Variants in SDK1 observed in about 807,000 individuals in gnomAD.
SDK1 encodes the protein protein sidekick-1.
In SDK1, 157 loss-of-function variants were observed where a neutral mutation model predicts 245.5. That is an observed-to-expected ratio of 0.64 (90% CI 0.56 to 0.73). The LOEUF is 0.73. Ranked by LOEUF, SDK1 falls within the 30% of genes least tolerant of loss-of-function variation. The pLI is 0.00. For synonymous variants in SDK1, 1,647 were observed against 1,278.5 expected, an observed-to-expected ratio of 1.29 and a Z score of -6.15; for missense variants, 3,583 against 3,002.3, an observed-to-expected ratio of 1.19 and a Z score of -4.52.
At chr7:3,418,022 A>G (rs1033962915) in intron 1 of SDK1, among the ~76,000 whole-genome samples, 2 of 151,970 alleles carry the variant, frequency 1.3e-5, no homozygotes, top group African/African-American at 4.8e-5. Flanking sequence ...AGTTTTACTA[A>G]CTCAGTAGAC....
intron 35 of SDK1, among the ~76,000 whole-genome samples, chr7:4,205,201 C>T (rs938578809): frequency 1.3e-5 from 2 of 152,178 alleles, no homozygotes; most frequent in Non-Finnish European, 1.5e-5. Flanking sequence ...TCTCAAACAT[C>T]GGAGCTTCCT....
chr7:3,817,604 C>G (rs775296659), intron 4 of SDK1, among the ~76,000 whole-genome samples: 1 of 152,172 alleles, frequency 6.6e-6, no homozygotes, highest in African/African-American at 2.4e-5. Context: ...GGCAGCTGAT[C>G]TGGTGTGGTC....
chr7:3,910,727 C>T (rs1170160592), intron 5 of SDK1, among the ~76,000 whole-genome samples: 1 of 152,192 alleles, frequency 6.6e-6, no homozygotes, highest in East Asian at 1.9e-4. Context: ...TTCTGGAATT[C>T]AGGTCACTTG....
intron 4 of SDK1, among the ~76,000 whole-genome samples, chr7:3,692,635 T>G (rs1348028548): frequency 2.0e-5 from 3 of 152,166 alleles, no homozygotes; most frequent in African/African-American, 7.2e-5. Context: ...CATGTTTTAT[T>G]TAGTCTACTA....
intron 1 of SDK1, among the ~76,000 whole-genome samples, chr7:3,364,985 G>C (rs550107810): frequency 6.6e-6 from 1 of 152,090 alleles, no homozygotes. Flanking sequence ...TACATGTTTC[G>C]GTAGCTTTAC....
At chr7:3,587,772 C>A (rs957646754) in intron 1 of SDK1, among the ~76,000 whole-genome samples, 1 of 152,214 alleles carries the variant, frequency 6.6e-6, no homozygotes, top group African/African-American at 2.4e-5. Context: ...GTACACTGCC[C>A]CTTGGCCTTT....
rs1249111606 is a variant in SDK1 at position 4,026,566 on chromosome 7, G to C, written c.2602+9214G>C. Among the ~76,000 whole-genome samples, 2 of 152,020 alleles carry C rather than the reference G, an allele frequency of 1.3e-5. No individual in the cohort carries two copies. Among genetic ancestry groups the C allele is most frequent in the Non-Finnish European group, 2.9e-5 (2 of 68,020 alleles). ...CCCCAAATGCTTCTCTTCAATGCCTGGCAAGTAAAGATTTGGAAAAAAAAA... is the reference window on the plus strand; with the variant it reads ...CCCCAAATGCTTCTCTTCAATGCCTCGCAAGTAAAGATTTGGAAAAAAAAA... On this transcript the variant is annotated intron_variant, in intron 17 of 44. Coordinates refer to ENST00000404826, the MANE Select transcript of SDK1 (RefSeq NM_152744.4). The surrounding 1 kb of genome is among the most constrained non-coding windows in gnomAD (Gnocchi z 4.1).
At chr7:3,598,777 C>T (rs543775861) in intron 1 of SDK1, among the ~76,000 whole-genome samples, 6 of 152,198 alleles carry the variant, frequency 3.9e-5, no homozygotes, top group Admixed American at 2.0e-4. Context: ...ATGGAGGTTA[C>T]TGCAGGTATC....
chr7:3,600,662 C>T (rs1314022721), intron 1 of SDK1, among the ~76,000 whole-genome samples: 3 of 149,836 alleles, frequency 2.0e-5, no homozygotes, highest in Non-Finnish European at 4.4e-5. Flanking sequence ...CATTCTCCTA[C>T]CTCAGCCTCC....
intron 4 of SDK1, among the ~76,000 whole-genome samples, chr7:3,810,968 C>A (rs1020062045): frequency 6.6e-6 from 1 of 152,056 alleles, no homozygotes; most frequent in Non-Finnish European, 1.5e-5. Flanking sequence ...ATTCAGTGAC[C>A]GAGCTGTGTT....
intron 22 of SDK1, among the ~76,000 whole-genome samples, chr7:4,087,814 T>C (rs1416598898): frequency 1.2e-4 from 18 of 152,240 alleles, no homozygotes; most frequent in Non-Finnish European, 1.6e-4. Context: ...TTAACTTCTT[T>C]GTGAGCCTGA....
chr7:3,563,705 C>G (rs1779819376), intron 1 of SDK1, among the ~76,000 whole-genome samples: 2 of 152,070 alleles, frequency 1.3e-5, no homozygotes, highest in African/African-American at 4.8e-5. Flanking sequence ...TAAGCATGAG[C>G]TGTTAGGAAT....
At chr7:3,302,063 G>A (rs1470644252) in intron 1 of SDK1, among the ~76,000 whole-genome samples, 179 bp downstream of exon 1, 1 of 152,024 alleles carries the variant, frequency 6.6e-6, no homozygotes, top group East Asian at 1.9e-4. Context: ...AGAGGGAAAC[G>A]GAGCCCCGTA....
At chr7:4,067,737 G>C in intron 19 of SDK1, 101 bp from the exon 20 acceptor site, 1 of 806,040 alleles carries the variant, frequency 1.2e-6, no homozygotes, top group Non-Finnish European at 2.0e-6. Flanking sequence ...TGCAGCCCCA[G>C]CTCACCACTT....
intron 4 of SDK1, among the ~76,000 whole-genome samples, chr7:3,707,993 A>G (rs982041742): frequency 2.6e-5 from 4 of 152,110 alleles, no homozygotes; most frequent in African/African-American, 9.7e-5. Context: ...AGACTGAGTA[A>G]TTTATTTTTT....
At chr7:3,408,184 T>C (rs932314821) in intron 1 of SDK1, among the ~76,000 whole-genome samples, 5 of 152,002 alleles carry the variant, frequency 3.3e-5, no homozygotes, top group East Asian at 1.9e-4. Context: ...ACTACAGATA[T>C]GTGCCACCAT....
intron 1 of SDK1, among the ~76,000 whole-genome samples, chr7:3,530,474 A>G (rs1783304714): frequency 6.6e-6 from 1 of 152,230 alleles, no homozygotes; most frequent in African/African-American, 2.4e-5. Flanking sequence ...AACCTACAGA[A>G]AACATCTACT....
At chr7:3,553,819 G>A (rs1779492871) in intron 1 of SDK1, among the ~76,000 whole-genome samples, 1 of 152,102 alleles carries the variant, frequency 6.6e-6, no homozygotes, top group Non-Finnish European at 1.5e-5. Context: ...CATTCTGTGG[G>A]CCTGAACACC....
chr7:3,955,399 A>G (rs184506738), intron 7 of SDK1, among the ~76,000 whole-genome samples: 1 of 152,258 alleles, frequency 6.6e-6, no homozygotes, highest in Non-Finnish European at 1.5e-5. Context: ...AGGGGCTCAC[A>G]TGATTAAATT....
Sources: gnomAD v4.1 joint callset for allele counts (sites outside exome capture counted in the v4.1 genomes callset) on GRCh38, gnomAD v4.1.1 for gene constraint, Gnocchi (gnomAD v3.1) non-coding constraint, MANE v1.5 for transcripts, NCBI Gene and HGNC (gene_info 2026-07-23, HGNC 2026-07-21) for gene names.